The following KMT2A variants were observed in gnomAD, a reference collection of about 807,000 sequenced individuals.
The protein encoded by KMT2A is lysine methyltransferase 2A, also known as histone-lysine N-methyltransferase 2A.
KMT2A carries 16 observed loss-of-function variants against 345.3 expected under a neutral mutation model. The observed-to-expected ratio is 0.05, with a 90% CI of 0.03 to 0.07. The LOEUF is 0.07. Among genes scored for constraint, KMT2A ranks in the 10% least tolerant of loss-of-function variants. The pLI is 1.00. For missense variants in KMT2A, 3,272 were observed against 4,841.6 expected, an observed-to-expected ratio of 0.68 and a Z score of 9.62; for synonymous variants, 1,599 against 1,778.6, an observed-to-expected ratio of 0.90 and a Z score of 2.54.
chr11:118,499,495 G>T, intron 23 of KMT2A, 75 bp downstream of exon 23: 1 of 984,372 alleles, frequency 1.0e-6, no homozygotes, highest in African/African-American at 1.6e-5. Flanking sequence ...GTTATAAAAT[G>T]ACCCTCAGCC....
Position 118,436,632 on chromosome 11 carries a change from T to TC in KMT2A, c.126dup (p.Gly43ArgfsTer104). 1.7e-6 allele frequency: 2 copies of TC among 1,151,014 alleles called. No homozygotes were observed. Among genetic ancestry groups the TC allele is most frequent in the Non-Finnish European group, 2.1e-6 (2 of 934,016 alleles). The allele number at this position is 1,151,014 out of a possible 1,614,324, so 71.3% of individuals were successfully genotyped here. ...GGCAACGCGTCCCGGCCCTGCTGCT[T>TC]CCCCCCGGGCCCCCGGTCGGCGGTG... is the stretch of plus-strand genomic sequence containing the variant. On this transcript the variant is annotated frameshift_variant, in exon 1 of 36. Coordinates refer to ENST00000534358, the MANE Select transcript of KMT2A (RefSeq NM_001197104.2). LOFTEE classifies it high-confidence loss of function. The surrounding 1 kb of genome is among the most constrained non-coding windows in gnomAD (Gnocchi z 6.9).
At chr11:118,464,214 T>C (rs920993152) in intron 1 of KMT2A, among the ~76,000 whole-genome samples, 5 of 152,184 alleles carry the variant, frequency 3.3e-5, no homozygotes, top group South Asian at 2.1e-4. Context: ...GACATCTCAA[T>C]TGGTTCAGCT....
intron 1 of KMT2A, 90 bp downstream of exon 1, chr11:118,437,034 T>C: frequency 7.6e-7 from 1 of 1,313,882 alleles, no homozygotes; most frequent in South Asian, 1.9e-5. Flanking sequence ...AGCATCCCAA[T>C]TCTGGGACCA....
At chr11:118,515,378 C>G (rs1395300442) in intron 31 of KMT2A, among the ~76,000 whole-genome samples, 1 of 152,220 alleles carries the variant, frequency 6.6e-6, no homozygotes, top group Non-Finnish European at 1.5e-5. Flanking sequence ...AATCCCAACT[C>G]TTAACTGATT....
Position 118,496,979 on chromosome 11 carries a change from G to C in KMT2A, c.5664+612G>C, listed in dbSNP as rs1950419604. 6.6e-6 allele frequency among the ~76,000 whole-genome samples: 1 copy of C among 152,010 alleles called. No homozygotes were observed. Among genetic ancestry groups the C allele is most frequent in the Non-Finnish European group, 1.5e-5 (1 of 67,990 alleles). On this transcript the variant is annotated intron_variant, in intron 20 of 35. Coordinates refer to ENST00000534358, the MANE Select transcript of KMT2A (RefSeq NM_001197104.2). The surrounding 1 kb of genome is among the most constrained non-coding windows in gnomAD (Gnocchi z 4.7). Reference sequence around the variant, plus strand: ...AAAAGTTTTTTGTGTTTTTTGTTTTGTTTTGTTTTGTTTTTTTGAGCGGAG... The same window carrying C: ...AAAAGTTTTTTGTGTTTTTTGTTTTCTTTTGTTTTGTTTTTTTGAGCGGAG...
In KMT2A at chr11:118,510,024, G is replaced by A. The variant is rs373098708; in HGVS notation, c.10977G>A (p.Arg3659=). Residue 3659 remains arginine (R), a synonymous_variant, in exon 30 of 36, where the codon CGG becomes CGA. Coordinates refer to ENST00000534358, the MANE Select transcript of KMT2A (RefSeq NM_001197104.2). This position sits in a 1 kb window ranked among gnomAD's most constrained non-coding sequence, Gnocchi z 4.1. ...LMLWLQQEQK[R]KESITEKKPK... ...TTTGGCTTCAGCAAGAACAAAAGCG[G>A]AAGGAAAGCATTACTGAGAAAAAAC... 1 of 1,613,930 alleles carries A rather than the reference G, an allele frequency of 6.2e-7. No homozygotes were observed. Among genetic ancestry groups the A allele is most frequent in the Non-Finnish European group, 8.5e-7 (1 of 1,179,864 alleles).
chr11:118,496,388 G>A lies in KMT2A; in HGVS notation c.5664+21G>A, dbSNP rs1318577773. On this transcript the variant is annotated intron_variant, in intron 20 of 35. Coordinates refer to ENST00000534358, the MANE Select transcript of KMT2A (RefSeq NM_001197104.2). This position sits in a 1 kb window ranked among gnomAD's most constrained non-coding sequence, Gnocchi z 4.7. ...CTAATGTAAGTACTTTGCAACACAGGGCCCTAGTTAATACATACTCCAAAA... is the reference window on the plus strand; with the variant it reads ...CTAATGTAAGTACTTTGCAACACAGAGCCCTAGTTAATACATACTCCAAAA... 1 of 1,536,444 alleles carries A rather than the reference G, an allele frequency of 6.5e-7. No homozygotes were observed.
intron 10 of KMT2A, among the ~76,000 whole-genome samples, chr11:118,485,428 T>C (rs1309793009): frequency 6.6e-6 from 1 of 151,876 alleles, no homozygotes; most frequent in African/African-American, 2.4e-5. Flanking sequence ...TAAATACATG[T>C]TGGGTGGCAG....
rs781906309 is a variant in KMT2A, at chr11:118,476,764, C to T, written c.3157-41C>T. 1.3e-6 allele frequency: 2 copies of T among 1,537,980 alleles called. No individual in the cohort carries two copies. On this transcript the variant is annotated intron_variant, in intron 3 of 35. Transcript: ENST00000534358. The surrounding 1 kb of genome is among the most constrained non-coding windows in gnomAD (Gnocchi z 4.1). ...TGGCTTCGTTCAGTTATAATTTCAACATGTATGGTTGTTATTGTTTTTGGA... is the reference window on the plus strand; with the variant it reads ...TGGCTTCGTTCAGTTATAATTTCAATATGTATGGTTGTTATTGTTTTTGGA...
intron 1 of KMT2A, among the ~76,000 whole-genome samples, chr11:118,460,533 A>G (rs1949727075): frequency 6.6e-6 from 1 of 152,010 alleles, no homozygotes; most frequent in African/African-American, 2.4e-5. Context: ...CAAGCAATCC[A>G]CCTGCCTTGG....
Position 118,502,762 on chromosome 11 carries a change from A to G in KMT2A, c.6870A>G (p.Glu2290=), listed in dbSNP as rs1950520323. ...NSHLDGSSSS[E]MKQSSASDLV... ...ACTTGGATGGATCTTCATCTTCAGA[A>G]ATGAAGCAGTCCAGTGCTTCAGACT... Residue 2290 remains glutamate, a synonymous_variant, in exon 27 of 36, where the codon GAA becomes GAG. Transcript: ENST00000534358. This position sits in a 1 kb window ranked among gnomAD's most constrained non-coding sequence, Gnocchi z 4.9. The G allele has an allele frequency of 2.5e-6, 4 of 1,614,166 alleles. No individual in the cohort carries two copies. The highest frequency in any genetic ancestry group is 2.5e-6 in the Non-Finnish European group (3 of 1,180,034).
rs782008634 is a variant in KMT2A, at chr11:118,478,221, T to A, written c.3569+20T>A. ...CTGCAAGTAAGTGGGTGTTTCACTC[T>A]GAGATGTTGACCTCTCAACCATAAA... On this transcript the variant is annotated intron_variant, in intron 5 of 35. Coordinates refer to ENST00000534358, the MANE Select transcript of KMT2A (RefSeq NM_001197104.2). 1.4e-5 allele frequency: 22 copies of A among 1,578,320 alleles called. No homozygotes were observed. The East Asian group carries it at 4.7e-4, about 34-fold the overall frequency.
At chr11:118,499,690 G>A in intron 23 of KMT2A, 145 bp from the exon 24 acceptor site, 1 of 664,402 alleles carries the variant, frequency 1.5e-6, no homozygotes, top group Non-Finnish European at 2.6e-6. Flanking sequence ...TGAGGCACAG[G>A]AATCACTTGA....
At chr11:118,458,143 T>C in intron 1 of KMT2A, 1 of 386,380 alleles carries the variant, frequency 2.6e-6, no homozygotes, top group Non-Finnish European at 5.3e-6. Context: ...GAGTGCAGTG[T>C]CTCGATCACA....
rs1304303105 is a variant in KMT2A, at chr11:118,438,891, CT to C, written c.432+1950del. On this transcript the variant is annotated intron_variant, in intron 1 of 35. Transcript: ENST00000534358. ...GCTGCAGCGTCCCCTTTCCCTGCCT[CT>C]TTCTGCTCTATCTCCACCTCCTTTT... The C allele has an allele frequency of 1.9e-4, 68 of 357,470 alleles. No homozygotes were observed. In the East Asian group the frequency reaches 2.4e-3, roughly 13 times the overall value. 22.1% of individuals were successfully genotyped at this position (357,470 alleles called of 1,614,324 possible).
rs1949187908 is a variant in KMT2A, at chr11:118,436,679, C to A, written c.167C>A (p.Ser56Tyr). 7 of 1,244,248 alleles carry A rather than the reference C, an allele frequency of 5.6e-6. No homozygotes were observed. The highest frequency in any genetic ancestry group is 7.1e-6 in the Non-Finnish European group (7 of 990,448). 77.1% of individuals were successfully genotyped at this position (1,244,248 alleles called of 1,614,324 possible). Residue 56 changes from serine to tyrosine, a missense_variant, in exon 1 of 36, where the codon TCC (serine) becomes TAC (tyrosine). Ser to Tyr is a moderately radical substitution (Grantham distance 144, BLOSUM62 -2). Transcript: ENST00000534358. This position sits in a 1 kb window ranked among gnomAD's most constrained non-coding sequence, Gnocchi z 6.9. ...VGGGGPGAPP[S>Y]PPAVAAAAAA... ...GGTGGCGGCCCCGGGGCGCCCCCCT[C>A]CCCCCCGGCTGTGGCGGCCGCGGCG...
In KMT2A at chr11:118,525,764, G is replaced by T. The variant is rs1951069362; in HGVS notation, c.*3592G>T. On this transcript the variant is annotated 3_prime_UTR_variant, in exon 36 of 36. Coordinates refer to ENST00000534358, the MANE Select transcript of KMT2A (RefSeq NM_001197104.2). ...ATGTTAACTTCTAAGTTCGGTTTGG[G>T]ATTTTTTTTTTTTAATAGAAATCAA... The T allele has an allele frequency of 8.8e-6, 2 of 226,984 alleles. No individual in the cohort carries two copies. Among genetic ancestry groups the T allele is most frequent in the South Asian group, 3.7e-4 (2 of 5,464 alleles). 14.1% of individuals were successfully genotyped at this position (226,984 alleles called of 1,614,324 possible).
intron 1 of KMT2A, among the ~76,000 whole-genome samples, chr11:118,457,812 GTTAA>G (rs1949675641): frequency 6.6e-6 from 1 of 151,788 alleles, no homozygotes; most frequent in Non-Finnish European, 1.5e-5. Context: ...CCTTGAGTGG[GTTAA>G]TTGTCTTTCT....
Position 118,472,531 on chromosome 11 carries a change from T to A in KMT2A, c.1372T>A (p.Ser458Thr). The A allele has an allele frequency of 6.2e-7, 1 of 1,613,020 alleles. No homozygotes were observed. Among genetic ancestry groups the A allele is most frequent in the Non-Finnish European group, 8.5e-7 (1 of 1,179,830 alleles). Reference sequence around the variant, plus strand: ...TAGATTCAGTGCCCCGTCCTGTGGATCTTCTGAAAAATCAAGTGCAGCTTC... The same window carrying A: ...TAGATTCAGTGCCCCGTCCTGTGGAACTTCTGAAAAATCAAGTGCAGCTTC... ...NSRFSAPSCGSSEKSSAASQH... is the reference protein window; with the variant it reads ...NSRFSAPSCGTSEKSSAASQH... The change falls in exon 3 of 36, where the codon TCT becomes ACT. Residue 458 changes from serine to threonine, a missense_variant. Physicochemically the swap from Ser to Thr is moderately conservative, Grantham distance 58. Around this residue, in one of 27 missense-constraint regions of KMT2A, gnomAD observed 180 missense variants for 190.7 expected, o/e 0.94. Coordinates refer to ENST00000534358, the MANE Select transcript of KMT2A (RefSeq NM_001197104.2).
Sources: allele counts gnomAD v4.1 joint callset (sites outside exome capture counted in the v4.1 genomes callset), GRCh38; gene constraint gnomAD v4.1.1; regional missense constraint gnomAD v4.1.1; non-coding constraint Gnocchi (gnomAD v3.1); transcripts MANE v1.5; gene names NCBI Gene and HGNC (gene_info 2026-07-23, HGNC 2026-07-21).